Variants in MGST1 observed in about 807,000 individuals in gnomAD.
MGST1 encodes the protein microsomal glutathione S-transferase 1.
A neutral mutation model predicts 8.9 loss-of-function variants in MGST1; 5 were observed. That is an observed-to-expected ratio of 0.56 (90% CI 0.29 to 1.19). The LOEUF is 1.19. Ranked by LOEUF, MGST1 falls within the 50% of genes most tolerant of loss-of-function variation. The pLI is 0.08. For missense variants in MGST1, 182 were observed against 187.4 expected, an observed-to-expected ratio of 0.97 and a Z score of 0.17; for synonymous variants, 54 against 67.8, an observed-to-expected ratio of 0.80 and a Z score of 1.00.
chr12:16,350,958 CT>C (rs796783457), intron 1 of MGST1, among the ~76,000 whole-genome samples: 10 of 152,250 alleles, frequency 6.6e-5, no homozygotes, highest in African/African-American at 2.4e-4. Flanking sequence ...CAGCCACTGA[CT>C]TCTTTGTGTA....
intron 4 of MGST1, among the ~76,000 whole-genome samples, chr12:16,571,717 A>AT (rs1780000176): frequency 6.6e-6 from 1 of 152,036 alleles, no homozygotes; most frequent in African/African-American, 2.4e-5. Flanking sequence ...GATTGAATTA[A>AT]ATACCCTTTC....
chr12:16,441,298 C>T (rs540589010), downstream of MGST1, among the ~76,000 whole-genome samples: 142 of 151,948 alleles, frequency 9.3e-4, no homozygotes, highest in South Asian at 0.013. Flanking sequence ...TACACCAGAA[C>T]GATACATTTG....
intron 4 of MGST1, among the ~76,000 whole-genome samples, chr12:16,574,809 A>C (rs1235914769): frequency 6.6e-6 from 1 of 152,184 alleles, no homozygotes; most frequent in African/African-American, 2.4e-5. Context: ...GGTAGGTGGC[A>C]TCCATTCTGT....
downstream of MGST1, among the ~76,000 whole-genome samples, chr12:16,443,043 A>G (rs913650684): frequency 7.9e-5 from 12 of 151,744 alleles, no homozygotes; most frequent in Admixed American, 3.3e-4. Context: ...CTGAAACTAT[A>G]TTACTAGAGC....
At chr12:16,577,569 CAAAT>C (rs556209596) in intron 4 of MGST1, among the ~76,000 whole-genome samples, 1 of 151,776 alleles carries the variant, frequency 6.6e-6, no homozygotes, top group Non-Finnish European at 1.5e-5. Context: ...TATAATAAAA[CAAAT>C]AAGAATTTCC....
At chr12:16,578,690 T>C (rs1345390276) in intron 4 of MGST1, among the ~76,000 whole-genome samples, 1 of 151,940 alleles carries the variant, frequency 6.6e-6, no homozygotes, top group East Asian at 1.9e-4. Flanking sequence ...TGGTGGTGCA[T>C]GCCTGTAATG....
chr12:16,498,552 A>C (rs891792489), intron 4 of MGST1, among the ~76,000 whole-genome samples: 8 of 152,206 alleles, frequency 5.3e-5, no homozygotes, highest in Non-Finnish European at 1.5e-5. Context: ...GAGGTAGTAC[A>C]TCTCTTCTCA....
intron 4 of MGST1, among the ~76,000 whole-genome samples, chr12:16,564,793 G>C (rs562648865): frequency 6.6e-6 from 1 of 152,126 alleles, no homozygotes; most frequent in African/African-American, 2.4e-5. Flanking sequence ...CATAAATTTA[G>C]AAGTTATTTT....
downstream of MGST1, among the ~76,000 whole-genome samples, chr12:16,368,042 A>G (rs1940224756): frequency 6.6e-6 from 1 of 152,150 alleles, no homozygotes; most frequent in South Asian, 2.1e-4. Context: ...TGCTGAGTTT[A>G]GCTAGGAGGT....
chr12:16,355,935 G>A (rs1203182570), intron 2 of MGST1, among the ~76,000 whole-genome samples: 2 of 152,152 alleles, frequency 1.3e-5, no homozygotes, highest in Non-Finnish European at 2.9e-5. Context: ...AAATCAAGAT[G>A]CCAGCAGATC....
chr12:16,432,759 C>A (rs1940950808), intron 1 of MGST1, among the ~76,000 whole-genome samples: 1 of 148,132 alleles, frequency 6.8e-6, no homozygotes, highest in African/African-American at 2.5e-5. Context: ...TCAGAGTTCT[C>A]CAGAGGAAAA....
intron 4 of MGST1, among the ~76,000 whole-genome samples, chr12:16,499,559 G>T (rs1941491821): frequency 5.3e-5 from 8 of 151,882 alleles, no homozygotes; most frequent in Admixed American, 5.3e-4. Context: ...CATTTCAGTG[G>T]GTGCCATTAC....
intron 4 of MGST1, among the ~76,000 whole-genome samples, chr12:16,526,051 G>C (rs1172446002): frequency 2.8e-5 from 4 of 144,358 alleles, no homozygotes; most frequent in Admixed American, 1.4e-4. Flanking sequence ...TTAGCCCTTT[G>C]TCAGATGAGT....
intron 4 of MGST1, among the ~76,000 whole-genome samples, chr12:16,475,743 TCTTA>T (rs909760937): frequency 1.4e-4 from 21 of 152,262 alleles, no homozygotes; most frequent in African/African-American, 3.4e-4. Flanking sequence ...TCACCTTGGC[TCTTA>T]CTTCAGGTAT....
Position 16,585,053 on chromosome 12 carries a change from A to C in MGST1, n.483-4475A>C, listed in dbSNP as rs936372789. On this transcript the variant is annotated intron_variant and non_coding_transcript_variant, in intron 4 of 4. Coordinates refer to the MGST1 transcript ENST00000538857. This position sits in a 1 kb window ranked among gnomAD's most constrained non-coding sequence, Gnocchi z 4.7. ...AGATTTTACTGAAATATCTAGAAAA[A>C]ATATCTGGTTTATCCAGAAAAATCA... Among the ~76,000 whole-genome samples the C allele has an allele frequency of 6.6e-6, 1 of 152,186 alleles. No homozygotes were observed. The highest frequency in any genetic ancestry group is 1.5e-5 in the Non-Finnish European group (1 of 68,038).
chr12:16,447,013 G>C (rs982450666), intron 4 of MGST1, among the ~76,000 whole-genome samples: 11 of 151,834 alleles, frequency 7.2e-5, no homozygotes, highest in African/African-American at 2.7e-4. Context: ...ATTTCCCTAA[G>C]CCTCTCTATT....
intron 1 of MGST1, among the ~76,000 whole-genome samples, chr12:16,394,075 C>T (rs190407494): frequency 6.6e-6 from 1 of 152,114 alleles, no homozygotes; most frequent in Non-Finnish European, 1.5e-5. Flanking sequence ...TTTCCAATTA[C>T]ACTAGGTAAT....
chr12:16,518,214 C>G (rs2137186786), intron 4 of MGST1, among the ~76,000 whole-genome samples: 1 of 152,308 alleles, frequency 6.6e-6, no homozygotes, highest in East Asian at 1.9e-4. Flanking sequence ...TGACATCACT[C>G]AAACCACACT....
downstream of MGST1, among the ~76,000 whole-genome samples, chr12:16,366,588 A>T (rs762970252): frequency 6.6e-6 from 1 of 151,936 alleles, no homozygotes. This position sits in a 1 kb window ranked among gnomAD's most constrained non-coding sequence, Gnocchi z 4.0. Context: ...TTGAAAACAA[A>T]GATTGTGGTT....
Sources: allele counts gnomAD v4.1 joint callset (sites outside exome capture counted in the v4.1 genomes callset), GRCh38; gene constraint gnomAD v4.1.1; non-coding constraint Gnocchi (gnomAD v3.1); transcripts MANE v1.5; gene names NCBI Gene and HGNC (gene_info 2026-07-23, HGNC 2026-07-21).